The following ZNF454 variants were observed in gnomAD, a reference collection of about 807,000 sequenced individuals.
ZNF454 encodes the protein zinc finger protein 454.
A neutral mutation model predicts 48.2 loss-of-function variants in ZNF454; 30 were observed. That is an observed-to-expected ratio of 0.62 (90% CI 0.47 to 0.84). The LOEUF is 0.84. Among genes scored for constraint, ZNF454 ranks in the 40% least tolerant of loss-of-function variants. ZNF454 has a pLI of 0.00. For missense variants in ZNF454, 510 were observed against 623.1 expected (o/e 0.82, Z 1.93); for synonymous variants, 204 against 211.4 (o/e 0.97, Z 0.30).
chr5:178,985,773 T>G, the ZNF454 span: 1 of 480,780 alleles, frequency 2.1e-6, no homozygotes, highest in East Asian at 5.8e-5. Context: ...ATTTATCTTT[T>G]TGTTTTGAGA....
At chr5:178,960,100 T>A (rs938361727) in intron 4 of ZNF454, among the ~76,000 whole-genome samples, 1 of 150,660 alleles carries the variant, frequency 6.6e-6, no homozygotes, top group Non-Finnish European at 1.5e-5. Context: ...CAGGAACACA[T>A]CACCATGCCT....
At chr5:178,961,545 G>A (rs1760013513) in intron 4 of ZNF454, among the ~76,000 whole-genome samples, 1 of 151,350 alleles carries the variant, frequency 6.6e-6, no homozygotes, top group African/African-American at 2.4e-5. Flanking sequence ...GCCAGGTGTG[G>A]TGGCTCACGC....
chr5:178,973,463 G>A, the ZNF454 span, among the ~76,000 whole-genome samples: 1 of 152,112 alleles, frequency 6.6e-6, no homozygotes, highest in Non-Finnish European at 1.5e-5. Context: ...ACCACCTGAA[G>A]TTCAATTGCT....
the ZNF454 span, chr5:178,983,271 C>G: frequency 1.3e-6 from 2 of 1,518,356 alleles, no homozygotes; most frequent in South Asian, 2.2e-5. Context: ...GGGACAAATC[C>G]ATTCCAGCCC....
the ZNF454 span, chr5:178,985,684 C>A: frequency 1.0e-5 from 4 of 392,232 alleles, no homozygotes; most frequent in South Asian, 1.8e-5. Context: ...GCCTGGGCGA[C>A]ACAGCGAGAC....
the ZNF454 span, chr5:178,983,417 G>A: frequency 2.8e-6 from 2 of 704,662 alleles, no homozygotes; most frequent in Admixed American, 2.0e-5. Flanking sequence ...CAGCCCAAGA[G>A]GGGTCCGTCC....
intron 4 of ZNF454, among the ~76,000 whole-genome samples, chr5:178,948,606 C>T (rs1003682170): frequency 6.6e-6 from 1 of 152,092 alleles, no homozygotes; most frequent in African/African-American, 2.4e-5. Context: ...CATCTGGGCC[C>T]CTGCCCACAC....
the ZNF454 span, among the ~76,000 whole-genome samples, chr5:178,972,706 C>A: frequency 2.6e-5 from 4 of 151,768 alleles, no homozygotes; most frequent in South Asian, 2.1e-4. Context: ...TGGCTCACCC[C>A]CTTCTCAGAT....
downstream of ZNF454, among the ~76,000 whole-genome samples, chr5:178,968,056 T>G (rs1213952216): frequency 6.6e-6 from 1 of 151,538 alleles, no homozygotes; most frequent in Non-Finnish European, 1.5e-5. Context: ...CCGTCTTTAA[T>G]CCTTCAGTGC....
the ZNF454 span, among the ~76,000 whole-genome samples, chr5:178,976,956 C>G: frequency 6.6e-6 from 1 of 152,144 alleles, no homozygotes; most frequent in Non-Finnish European, 1.5e-5. Context: ...CCGTGTTCCC[C>G]TAGACTAATG....
At position 178,941,455 on chromosome 5, in the gene ZNF454, G is replaced by T. The variant is rs1018449889; in HGVS notation, c.-108+11G>T. The T allele has an allele frequency of 4.5e-6, 2 of 445,894 alleles. No homozygotes were observed. The highest frequency in any genetic ancestry group is 2.4e-5 in the Admixed American group (1 of 41,232). 27.6% of individuals were successfully genotyped at this position (445,894 alleles called of 1,614,324 possible). A position where few individuals can be genotyped will look rare whatever the true frequency, so the allele number is the denominator to read the frequency against. On this transcript the variant is annotated intron_variant, in intron 1 of 4. Transcript: ENST00000519564. The surrounding 1 kb of genome is among the most constrained non-coding windows in gnomAD (Gnocchi z 5.5). ...CAAACTTCCCGGAATGTATGTCTGA[G>T]ATTTGATCCCAGAGAGGGAGGACGG...
At chr5:178,982,901 C>A in the ZNF454 span, 1 of 1,606,258 alleles carries the variant, frequency 6.2e-7, no homozygotes. Flanking sequence ...CTCCTGGGGA[C>A]CTCATTACCT....
chr5:178,948,439 T>G (rs1409974303), intron 4 of ZNF454, among the ~76,000 whole-genome samples: 2 of 152,234 alleles, frequency 1.3e-5, no homozygotes, highest in African/African-American at 4.8e-5. Context: ...TTCACCTAAA[T>G]CATTCAATCA....
chr5:178,971,860 A>AG, the ZNF454 span, among the ~76,000 whole-genome samples: 1 of 143,762 alleles, frequency 7.0e-6, no homozygotes, highest in South Asian at 2.3e-4. Context: ...GAAAAAAAAA[A>AG]AAGAAGAAGA....
the ZNF454 span, chr5:178,981,762 G>A: frequency 1.2e-6 from 2 of 1,613,322 alleles, no homozygotes; most frequent in East Asian, 2.2e-5. The surrounding 1 kb of genome is among the most constrained non-coding windows in gnomAD (Gnocchi z 5.1). Context: ...GATGGAAGAG[G>A]ATGACGTAGG....
At chr5:178,969,726 C>T, downstream of ZNF454, 2 of 449,760 alleles carry the variant, frequency 4.4e-6, no homozygotes, top group Non-Finnish European at 9.0e-6. Context: ...CTGGCCTCTC[C>T]TCCCACCTCG....
the ZNF454 span, among the ~76,000 whole-genome samples, chr5:178,982,346 G>A: frequency 6.6e-6 from 1 of 152,240 alleles, no homozygotes; most frequent in East Asian, 1.9e-4. Context: ...GGGAGGCCGA[G>A]GCAGATGGGT....
rs111978806 is a variant in ZNF454 at position 178,952,129 on chromosome 5, C to T, written c.250+5143C>T. On this transcript the variant is annotated intron_variant, in intron 4 of 4. Transcript: ENST00000519564. ...CTCGGCTCACTGCAAGCTCCTCCTC[C>T]CGGGTTCACGCCATTCTCCTGCCTC... 1.9e-3 allele frequency among the ~76,000 whole-genome samples: 282 copies of T among 152,016 alleles called. 2 individuals carry two copies. The highest frequency in any genetic ancestry group is 3.7e-3 in the Non-Finnish European group (251 of 67,952).
chr5:178,985,567 G>A, the ZNF454 span: 63 of 339,200 alleles, frequency 1.9e-4, no homozygotes, highest in Admixed American at 6.9e-4. Flanking sequence ...GCCGGGCGTG[G>A]TGGCGGGCGC....
Sources: gnomAD v4.1 joint callset for allele counts (sites outside exome capture counted in the v4.1 genomes callset) on GRCh38, gnomAD v4.1.1 for gene constraint, Gnocchi (gnomAD v3.1) non-coding constraint, MANE v1.5 for transcripts, NCBI Gene and HGNC (gene_info 2026-07-23, HGNC 2026-07-21) for gene names.